RSRC1: variants seen among roughly 807,000 people sequenced by gnomAD.
RSRC1 encodes the protein serine/Arginine-related protein 53.
A neutral mutation model predicts 49.1 loss-of-function variants in RSRC1; 39 were observed. The ratio of observed to expected loss-of-function variants is 0.79; its 90% CI spans 0.61 to 1.04. The LOEUF is 1.04. Ranked by LOEUF, RSRC1 falls within the 50% of genes least tolerant of loss-of-function variation. The pLI is 0.00. For missense variants in RSRC1, 388 were observed against 402.4 expected (o/e 0.96, Z 0.31); for synonymous variants, 143 against 130.8 (o/e 1.09, Z -0.63).
chr3:158,233,366 T>C (rs977279609), intron 4 of RSRC1, among the ~76,000 whole-genome samples: 4 of 152,176 alleles, frequency 2.6e-5, no homozygotes, highest in Admixed American at 2.0e-4. Context: ...TTCTAGTGAT[T>C]GCAATTGTCT....
intron 4 of RSRC1, among the ~76,000 whole-genome samples, chr3:158,277,659 G>A (rs187654499): frequency 7.8e-4 from 119 of 152,312 alleles, no homozygotes; most frequent in Non-Finnish European, 1.4e-3. Flanking sequence ...AAAGCAGTTT[G>A]ACATTACTTT....
At chr3:158,385,998 AC>A (rs1247916499) in intron 6 of RSRC1, among the ~76,000 whole-genome samples, 1 of 152,134 alleles carries the variant, frequency 6.6e-6, no homozygotes, top group Non-Finnish European at 1.5e-5. Flanking sequence ...TGCAAGCCAA[AC>A]TACTAGATTA....
At chr3:158,445,114 G>C (rs1262280459) in intron 6 of RSRC1, among the ~76,000 whole-genome samples, 1 of 152,162 alleles carries the variant, frequency 6.6e-6, no homozygotes, top group Non-Finnish European at 1.5e-5. Context: ...CAAGGATCTA[G>C]AACTAGAAAT....
chr3:158,138,774 T>G (rs1486131348), intron 3 of RSRC1, among the ~76,000 whole-genome samples: 1 of 152,206 alleles, frequency 6.6e-6, no homozygotes, highest in African/African-American at 2.4e-5. Flanking sequence ...AAGTTAAAAT[T>G]ATTTTCCCCA....
At chr3:158,272,658 G>A (rs1189776626) in intron 4 of RSRC1, among the ~76,000 whole-genome samples, 2 of 151,820 alleles carry the variant, frequency 1.3e-5, no homozygotes, top group African/African-American at 2.4e-5. Context: ...AGATTATATG[G>A]GCTTTCAAGA....
At chr3:158,132,222 G>A in intron 3 of RSRC1, 1 of 395,022 alleles carries the variant, frequency 2.5e-6, no homozygotes, top group South Asian at 1.9e-5. Flanking sequence ...CTGAGCTCAA[G>A]CGATCCCCCT....
intron 6 of RSRC1, among the ~76,000 whole-genome samples, chr3:158,428,284 A>G (rs1231732195): frequency 6.6e-6 from 1 of 151,874 alleles, no homozygotes; most frequent in Non-Finnish European, 1.5e-5. Flanking sequence ...GATAATGCAT[A>G]TCAGTTTGTT....
intron 6 of RSRC1, among the ~76,000 whole-genome samples, chr3:158,404,220 G>C (rs1004666038): frequency 6.6e-6 from 1 of 151,794 alleles, no homozygotes; most frequent in Non-Finnish European, 1.5e-5. Context: ...TGAGTATCTT[G>C]TCCTTATGTG....
At chr3:158,509,057 T>G (rs1004860835) in intron 7 of RSRC1, among the ~76,000 whole-genome samples, 1 of 152,246 alleles carries the variant, frequency 6.6e-6, no homozygotes, top group Non-Finnish European at 1.5e-5. Context: ...GCGTGATATT[T>G]AAGAGGGCTT....
chr3:158,270,204 C>A (rs1725427954), intron 4 of RSRC1, among the ~76,000 whole-genome samples: 1 of 152,214 alleles, frequency 6.6e-6, no homozygotes, highest in Non-Finnish European at 1.5e-5. Flanking sequence ...ATCCATCATA[C>A]TCCCTGCTGC....
intron 4 of RSRC1, among the ~76,000 whole-genome samples, chr3:158,251,212 G>A (rs1724192772): frequency 6.6e-6 from 1 of 152,032 alleles, no homozygotes; most frequent in Admixed American, 6.6e-5. Context: ...TGCTGTTTTG[G>A]TTACTATAGC....
chr3:158,312,624 G>A (rs913591417), intron 5 of RSRC1, among the ~76,000 whole-genome samples: 1 of 152,138 alleles, frequency 6.6e-6, no homozygotes, highest in African/African-American at 2.4e-5. Flanking sequence ...TTATGTAATA[G>A]CAATTAAAAG....
intron 5 of RSRC1, among the ~76,000 whole-genome samples, chr3:158,352,919 T>C (rs1730953372): frequency 6.6e-6 from 1 of 152,226 alleles, no homozygotes; most frequent in Non-Finnish European, 1.5e-5. Context: ...TTTATGACTT[T>C]TATATTCAGT....
At chr3:158,414,244 T>C (rs980419250) in intron 6 of RSRC1, among the ~76,000 whole-genome samples, 6 of 152,068 alleles carry the variant, frequency 3.9e-5, no homozygotes, top group African/African-American at 1.4e-4. Flanking sequence ...GATCATGCCC[T>C]TTGCAGGGAC....
intron 4 of RSRC1, among the ~76,000 whole-genome samples, chr3:158,236,116 C>CA (rs202061212): frequency 0.013 from 1,741 of 136,264 alleles, 28 homozygotes; most frequent in African/African-American, 0.039. Context: ...AGTCTTGTCT[C>CA]AAAAAAAAAA....
chr3:158,322,508 T>A (rs1262952138), intron 5 of RSRC1, among the ~76,000 whole-genome samples: 1 of 152,232 alleles, frequency 6.6e-6, no homozygotes, highest in East Asian at 1.9e-4. Flanking sequence ...TGTTTTTCCC[T>A]TGCTGCTCTT....
intron 6 of RSRC1, among the ~76,000 whole-genome samples, chr3:158,376,137 ATCCCTCCC>A (rs58871024): frequency 6.8e-5 from 6 of 88,630 alleles, no homozygotes; most frequent in Non-Finnish European, 7.9e-5. Flanking sequence ...GAAAGAATAT[ATCCCTCCC>A]TCCCTCCCTC....
chr3:158,339,278 G>A (rs1256103654), intron 5 of RSRC1, among the ~76,000 whole-genome samples: 3 of 127,532 alleles, frequency 2.4e-5, no homozygotes, highest in African/African-American at 9.0e-5. Context: ...CGGCCTGGGC[G>A]ACAGAGCGAG....
chr3:158,118,411 T>TG (rs1559906438), intron 1 of RSRC1, among the ~76,000 whole-genome samples: 5 of 78,270 alleles, frequency 6.4e-5, no homozygotes, highest in African/African-American at 2.4e-4. Context: ...GTACCTGGCC[T>TG]TCTGTGTGTG....
Sources: allele counts gnomAD v4.1 joint callset (sites outside exome capture counted in the v4.1 genomes callset), GRCh38; gene constraint gnomAD v4.1.1; transcripts MANE v1.5; gene names NCBI Gene and HGNC (gene_info 2026-07-23, HGNC 2026-07-21).